The following CFAP74 variants were observed in gnomAD, a reference collection of about 807,000 sequenced individuals.
CFAP74 encodes cilia and flagella associated protein 74, also known as cilia- and flagella-associated protein 74.
In CFAP74, 124 loss-of-function variants were observed where a neutral mutation model predicts 188.9. That is an observed-to-expected ratio of 0.66 (90% CI 0.57 to 0.76). The LOEUF is 0.76. CFAP74 is among the 30% of genes least tolerant of loss of function. The pLI, the probability that CFAP74 is intolerant of heterozygous loss-of-function variation, is 0.00. For missense variants in CFAP74, 2,198 were observed against 2,165.2 expected (o/e 1.02, Z -0.30); for synonymous variants, 956 against 916.7 (o/e 1.04, Z -0.77).
chr1:2,001,543 G>A (rs933590848), intron 1 of CFAP74, among the ~76,000 whole-genome samples: 1 of 152,124 alleles, frequency 6.6e-6, no homozygotes, highest in Non-Finnish European at 1.5e-5. Flanking sequence ...AGCCAGGATG[G>A]TCTCGATCTA....
intron 10 of CFAP74, among the ~76,000 whole-genome samples, chr1:1,970,454 G>C (rs1488667955): frequency 6.6e-6 from 1 of 152,196 alleles, no homozygotes; most frequent in Non-Finnish European, 1.5e-5. Context: ...ACTGGAGTAG[G>C]GGCAGGGCTG....
At position 1,970,739 on chromosome 1, in the gene CFAP74, C is replaced by T. The variant is rs377485017; in HGVS notation, c.966G>A (p.Lys322=). The change falls in exon 10 of 39, where the codon AAG becomes AAA. Residue 322 remains lysine, a synonymous_variant. Coordinates refer to ENST00000682832, the MANE Select transcript of CFAP74 (RefSeq NM_001304360.2). The part of the protein sequence containing the change: ...LAEQRVQAEK[K]AILAQGRDAF... ...CATCCCTGCCCTGGGCCAGAATCGC[C>T]TTCTTCTCAGCCTGGACCCTCTGCT... The T allele has an allele frequency of 3.5e-5, 57 of 1,614,076 alleles. No homozygotes were observed. Among genetic ancestry groups the T allele is most frequent in the Non-Finnish European group, 4.7e-5 (56 of 1,180,028 alleles).
chr1:1,985,030 C>T (rs1052548757), intron 6 of CFAP74: 8 of 206,646 alleles, frequency 3.9e-5, no homozygotes, highest in Non-Finnish European at 6.9e-5. Context: ...GGCAACTCGA[C>T]GCATCCAACC....
At position 1,927,011 on chromosome 1, in the gene CFAP74, G is replaced by A. The variant is rs1015636832; in HGVS notation, c.3545C>T (p.Ala1182Val). ...CGCTCTGAGCAGGGTGGCTCGGGCG[G>A]CCTGGTACTCGTCGGAACTAGAAGG... ...ELRPSSDEYQ[A>V]ARATLLRAFQ... The change falls in exon 29 of 39, where the codon GCC becomes GTC. Residue 1182 changes from alanine to valine, a missense_variant. Ala to Val is a moderately conservative substitution (Grantham distance 64, BLOSUM62 0). Coordinates refer to ENST00000682832, the MANE Select transcript of CFAP74 (RefSeq NM_001304360.2). 5.8e-6 allele frequency: 9 copies of A among 1,550,084 alleles called. No individual in the cohort carries two copies. The African/African-American group carries it at 1.2e-4, about 21-fold the overall frequency.
At position 1,960,043 on chromosome 1, in the gene CFAP74, A is replaced by AC; in HGVS notation, c.1695-14dup. Reference sequence around the variant, plus strand: ...AGGGGGGTCAAAGCTGCAGGACGTGACCCATAGCACACGGGGGTTAGTGCT... The same window carrying AC: ...AGGGGGGTCAAAGCTGCAGGACGTGACCCCATAGCACACGGGGGTTAGTGCT... On this transcript the variant is annotated splice_polypyrimidine_tract_variant and intron_variant, in intron 14 of 38. Transcript: ENST00000682832. The AC allele has an allele frequency of 6.3e-7, 1 of 1,593,688 alleles. No homozygotes were observed. The highest frequency in any genetic ancestry group is 8.5e-7 in the Non-Finnish European group (1 of 1,171,208).
At chr1:1,981,098 G>A (rs568848458) in intron 6 of CFAP74, among the ~76,000 whole-genome samples, 1 of 152,338 alleles carries the variant, frequency 6.6e-6, no homozygotes, top group Non-Finnish European at 1.5e-5. Context: ...TCTCCAAGCT[G>A]CCCCTCGCAC....
At position 1,940,423 on chromosome 1, in the gene CFAP74, CG is replaced by C. The variant is rs1558005005; in HGVS notation, c.2616-21del. ...GAGTGTCTGAAAGAGGCAGACAAGG[CG>C]AATGTGCTTTCCTCTTTCCATTTTG... On this transcript the variant is annotated intron_variant, in intron 22 of 38. Coordinates refer to ENST00000682832, the MANE Select transcript of CFAP74 (RefSeq NM_001304360.2). The C allele has an allele frequency of 6.8e-7, 1 of 1,478,046 alleles. No individual in the cohort carries two copies. The highest frequency in any genetic ancestry group is 2.2e-5 in the Admixed American group (1 of 45,412). 91.6% of individuals were successfully genotyped at this position (1,478,046 alleles called of 1,614,324 possible). A position where few individuals can be genotyped will look rare whatever the true frequency, so the allele number is the denominator to read the frequency against.
Position 1,934,734 on chromosome 1 carries a change from C to CGTGGGTGTTAGGCTGTAGGTACACAG in CFAP74, c.3011+4120_3011+4121insCTGTGTACCTACAGCCTAACACCCAC, listed in dbSNP as rs1557997139. On this transcript the variant is annotated intron_variant, in intron 25 of 38. Coordinates refer to ENST00000682832, the MANE Select transcript of CFAP74 (RefSeq NM_001304360.2). ...GTGGGTGTTAGGCTGTAGGTACACACGTGTGTACGTGGGTGTTAGGTTGTA... is the reference window on the plus strand; with the variant it reads ...GTGGGTGTTAGGCTGTAGGTACACACGTGGGTGTTAGGCTGTAGGTACACAGGTGTGTACGTGGGTGTTAGGTTGTA... Among the ~76,000 whole-genome samples the CGTGGGTGTTAGGCTGTAGGTACACAG allele has an allele frequency of 2.3e-4, 22 of 94,064 alleles. 9 individuals carry two copies. The highest frequency in any genetic ancestry group is 8.4e-4 in the African/African-American group (20 of 23,816). 61.7% of individuals were successfully genotyped at this position (94,064 alleles called of 152,430 possible).
intron 25 of CFAP74, 121 bp downstream of exon 25, chr1:1,938,734 C>G: frequency 8.3e-7 from 1 of 1,209,296 alleles, no homozygotes; most frequent in Non-Finnish European, 1.1e-6. Context: ...CTGCCCAGCC[C>G]AGCCCTGTGG....
Position 1,948,594 on chromosome 1 carries a change from G to T in CFAP74, c.2177-1540C>A, listed in dbSNP as rs200300317. Among the ~76,000 whole-genome samples the T allele has an allele frequency of 4.3e-4, 52 of 122,048 alleles. 1 individual carries two copies. Among genetic ancestry groups the T allele is most frequent in the Admixed American group, 9.3e-4 (10 of 10,758 alleles). The allele number at this position is 122,048 out of a possible 152,430, so 80.1% of individuals were successfully genotyped here. ...CTAGTCTTTTCTTTCCTTTCTTCTT[G>T]TTTTTTTTTTTTTTGGCAGGGTCTC... is the stretch of plus-strand genomic sequence containing the variant. On this transcript the variant is annotated intron_variant, in intron 18 of 38. Transcript: ENST00000682832.
chr1:1,983,690 T>C (rs1175131475), intron 6 of CFAP74: 2 of 152,246 alleles, frequency 1.3e-5, no homozygotes, highest in Non-Finnish European at 1.5e-5. Context: ...TAAAACTTTA[T>C]TTATTTATTT....
chr1:1,951,798 C>A (rs1001008106), intron 18 of CFAP74, among the ~76,000 whole-genome samples: 1 of 152,178 alleles, frequency 6.6e-6, no homozygotes, highest in Non-Finnish European at 1.5e-5. Flanking sequence ...TGGCCAGGTG[C>A]AGTGGCTCAC....
Position 1,930,136 on chromosome 1 carries a change from G to A in CFAP74, c.3212C>T (p.Thr1071Met), listed in dbSNP as rs1464804260. 11 of 1,535,434 alleles carry A rather than the reference G, an allele frequency of 7.2e-6. No homozygotes were observed. Among genetic ancestry groups the A allele is most frequent in the Admixed American group, 2.0e-5 (1 of 50,964 alleles). The change falls in exon 26 of 39, where the codon ACG becomes ATG. Residue 1071 changes from threonine (T) to methionine (M), a missense_variant. Transcript: ENST00000682832. The part of the protein sequence containing the change: ...GSEDASPMGP[T>M]SFEFLLPPDS... ...TGGGGGCAGCAGGAACTCGAAAGAC[G>A]TGGGCCCCATGGGAGAGGCGTCCTC...
At chr1:1,999,465 G>A (rs1190669194) in intron 1 of CFAP74, among the ~76,000 whole-genome samples, 1 of 152,120 alleles carries the variant, frequency 6.6e-6, no homozygotes. Flanking sequence ...CAAATAAAAC[G>A]CTAAAGACAT....
rs185147669 is a variant in CFAP74, at chr1:1,936,857, G to T, written c.3011+1998C>A. ...GGAGGTGGAGGCTGCAGTGAGCCGT[G>T]ATTGCACCCCTTGCATTCAAGCCTG... On this transcript the variant is annotated intron_variant, in intron 25 of 38. Coordinates refer to ENST00000682832, the MANE Select transcript of CFAP74 (RefSeq NM_001304360.2). Among the ~76,000 whole-genome samples the T allele has an allele frequency of 3.6e-3, 547 of 149,952 alleles. 3 individuals carry two copies. Among genetic ancestry groups the T allele is most frequent in the Non-Finnish European group, 5.4e-3 (364 of 67,800 alleles).
chr1:1,964,186 G>A (rs1454688425), intron 13 of CFAP74, among the ~76,000 whole-genome samples: 1 of 152,214 alleles, frequency 6.6e-6, no homozygotes, highest in Non-Finnish European at 1.5e-5. Flanking sequence ...CTCCATGGAT[G>A]GACTTGAGCT....
At chr1:1,929,943 C>T in intron 26 of CFAP74, 117 bp downstream of exon 26, 1 of 1,199,348 alleles carries the variant, frequency 8.3e-7, no homozygotes, top group Non-Finnish European at 1.1e-6. Flanking sequence ...CACTCCCGCC[C>T]CTGTTCTCCG....
intron 21 of CFAP74, 30 bp downstream of exon 21, chr1:1,944,301 C>T: frequency 6.5e-7 from 1 of 1,531,498 alleles, no homozygotes. Context: ...GCGTGGGTCA[C>T]CCCGTGTGCA....
At chr1:1,934,341 G>A (rs1473139999) in intron 25 of CFAP74, among the ~76,000 whole-genome samples, 1 of 141,428 alleles carries the variant, frequency 7.1e-6, no homozygotes. Context: ...TAGGTACACA[G>A]GTGTATACGT....
Sources: allele counts gnomAD v4.1 joint callset (sites outside exome capture counted in the v4.1 genomes callset), GRCh38; gene constraint gnomAD v4.1.1; transcripts MANE v1.5; gene names NCBI Gene and HGNC (gene_info 2026-07-23, HGNC 2026-07-21).